Variants in OSMR observed in about 807,000 individuals in gnomAD.
OSMR encodes oncostatin M receptor.
Under a neutral mutation model 99.9 loss-of-function variants are expected in OSMR, and 81 were observed. That is an observed-to-expected ratio of 0.81 (90% CI 0.68 to 0.97). OSMR has a LOEUF of 0.97. Ranked by LOEUF, OSMR falls within the 50% of genes least tolerant of loss-of-function variation. OSMR has a pLI of 0.00. For missense variants in OSMR, 1,099 were observed against 1,153.4 expected (o/e 0.95, Z 0.68); for synonymous variants, 406 against 410.4 (o/e 0.99, Z 0.13).
At chr5:38,922,058 G>A (rs1746262170) in intron 12 of OSMR, among the ~76,000 whole-genome samples, 1 of 152,130 alleles carries the variant, frequency 6.6e-6, no homozygotes, top group South Asian at 2.1e-4. Flanking sequence ...GCATAGTCTC[G>A]AATGGCAGAA....
intron 11 of OSMR, 199 bp from the exon 12 acceptor site, chr5:38,921,416 G>T (rs1397258000): frequency 1.1e-6 from 1 of 873,558 alleles, no homozygotes; most frequent in Non-Finnish European, 1.4e-6. Context: ...CTGAAGGGCA[G>T]GTGTGAATAT....
At chr5:38,912,247 T>C (rs1383226679) in intron 9 of OSMR, among the ~76,000 whole-genome samples, 2 of 152,200 alleles carry the variant, frequency 1.3e-5, no homozygotes, top group African/African-American at 2.4e-5. Flanking sequence ...ACAAGATCGA[T>C]GTACAAAAAT....
chr5:38,883,779 C>T lies in OSMR; in HGVS notation c.419-48C>T, dbSNP rs978855012. 4 of 1,611,312 alleles carry T rather than the reference C, an allele frequency of 2.5e-6. No individual in the cohort carries two copies. In the African/African-American group the frequency reaches 5.3e-5, roughly 22 times the overall value. On this transcript the variant is annotated intron_variant, in intron 4 of 17. Transcript: ENST00000274276. ...CAAATGGATAACTTGTTTTAAGAGG[C>T]TTGAATTTTGAGTGCGATTCTAACT...
At chr5:38,876,081 T>A (rs1742803591) in intron 2 of OSMR, 120 bp from the exon 3 acceptor site, 1 of 1,426,812 alleles carries the variant, frequency 7.0e-7, no homozygotes, top group African/African-American at 1.4e-5. Flanking sequence ...GATTCTAGGA[T>A]GCACATATGA....
At position 38,933,566 on chromosome 5, in the gene OSMR, A is replaced by T. The variant is rs911331499; in HGVS notation, c.*122A>T. 1 of 1,053,800 alleles carries T rather than the reference A, an allele frequency of 9.5e-7. No homozygotes were observed. The highest frequency in any genetic ancestry group is 1.4e-6 in the Non-Finnish European group (1 of 697,938). 65.3% of individuals were successfully genotyped at this position (1,053,800 alleles called of 1,614,324 possible). ...ACGATTTGCAGGTCTGGTTTATATA[A>T]GACCACTACAGTCTGGCTAGGTTAA... On this transcript the variant is annotated 3_prime_UTR_variant, in exon 18 of 18. Transcript: ENST00000274276.
chr5:38,940,993 A>G (rs1166035445), intron 1 of OSMR: 1 of 232,758 alleles, frequency 4.3e-6, no homozygotes, highest in Admixed American at 5.6e-5. Context: ...TTCTATTTAT[A>G]TATAGATCTC....
chr5:38,900,949 T>C (rs1009528610), intron 7 of OSMR, among the ~76,000 whole-genome samples: 10 of 152,270 alleles, frequency 6.6e-5, no homozygotes, highest in African/African-American at 2.4e-4. Flanking sequence ...ACTTTTATGC[T>C]GCAAGCTCTT....
chr5:38,922,849 C>T (rs529521740), intron 12 of OSMR: 3 of 152,272 alleles, frequency 2.0e-5, no homozygotes, highest in Admixed American at 2.0e-4. Flanking sequence ...GATCTCAGCT[C>T]ATTGCAACCT....
At chr5:38,858,697 A>G (rs2115945) in intron 1 of OSMR, among the ~76,000 whole-genome samples, 3 of 152,170 alleles carry the variant, frequency 2.0e-5, no homozygotes, top group Non-Finnish European at 4.4e-5. Context: ...ACTGTTTTCT[A>G]TAATGGCTCT....
At chr5:38,889,234 A>G (rs1743995985) in intron 7 of OSMR, among the ~76,000 whole-genome samples, 1 of 152,002 alleles carries the variant, frequency 6.6e-6, no homozygotes, top group African/African-American at 2.4e-5. Flanking sequence ...TTTGAATTAT[A>G]GTTTTTGGTA....
intron 3 of OSMR, among the ~76,000 whole-genome samples, chr5:38,877,430 T>A (rs924644206): frequency 3.3e-5 from 5 of 152,242 alleles, no homozygotes; most frequent in African/African-American, 1.2e-4. Flanking sequence ...AGTCTATAAT[T>A]CTACCTCTCA....
chr5:38,942,938 G>A (rs369969150), intron 1 of OSMR: 2 of 1,605,070 alleles, frequency 1.2e-6, no homozygotes, highest in African/African-American at 1.3e-5. Context: ...AAAGGCATAT[G>A]TCATCAAATG....
At chr5:38,932,188 C>T (rs575167868) in intron 16 of OSMR, among the ~76,000 whole-genome samples, 1 of 152,102 alleles carries the variant, frequency 6.6e-6, no homozygotes, top group South Asian at 2.1e-4. Flanking sequence ...AAAATTTTTT[C>T]AACAGCAATA....
chr5:38,870,331 T>TC (rs1742281985), intron 2 of OSMR, among the ~76,000 whole-genome samples: 1 of 21,620 alleles, frequency 4.6e-5, no homozygotes, highest in Admixed American at 6.6e-4. Flanking sequence ...AATGATTTTC[T>TC]TTTTTTTTTT....
chr5:38,878,101 T>C (rs964451811), intron 3 of OSMR, among the ~76,000 whole-genome samples: 3 of 152,098 alleles, frequency 2.0e-5, no homozygotes, highest in Non-Finnish European at 4.4e-5. Context: ...GGTGGGATCA[T>C]CCTTCACTCC....
intron 9 of OSMR, among the ~76,000 whole-genome samples, chr5:38,911,058 C>G (rs1561394383): frequency 6.6e-6 from 1 of 152,004 alleles, no homozygotes; most frequent in Non-Finnish European, 1.5e-5. Context: ...CAAACCAACA[C>G]CAAAGCTGTC....
rs751054914 is a variant in OSMR at position 38,919,171 on chromosome 5, G to T, written c.1585+109G>T. 6 of 1,547,124 alleles carry T rather than the reference G, an allele frequency of 3.9e-6. No individual in the cohort carries two copies. In the African/African-American group the frequency reaches 8.2e-5, roughly 21 times the overall value. On this transcript the variant is annotated intron_variant, in intron 11 of 17. Transcript: ENST00000274276. ...AAACAATAACTTAGGAAGACAAAAT[G>T]TCTAGTCACTAAACAGTCATTTTCT...
chr5:38,931,814 CTT>C (rs1478386837), intron 15 of OSMR, 67 bp from the exon 16 acceptor site: 15 of 1,577,286 alleles, frequency 9.5e-6, no homozygotes, highest in African/African-American at 4.1e-5. Flanking sequence ...CAATCATAAA[CTT>C]GTATTTATTC....
Position 38,934,540 on chromosome 5 carries a change from AG to A in OSMR, c.*1097del, listed in dbSNP as rs1335520751. 6.6e-6 allele frequency: 1 copy of A among 152,146 alleles called. No homozygotes were observed. Among genetic ancestry groups the A allele is most frequent in the Non-Finnish European group, 1.5e-5 (1 of 68,018 alleles). The allele number at this position is 152,146 out of a possible 1,614,324, so 9.4% of individuals were successfully genotyped here. A position where few individuals can be genotyped will look rare whatever the true frequency, so the allele number is the denominator to read the frequency against. On this transcript the variant is annotated 3_prime_UTR_variant, in exon 18 of 18. Transcript: ENST00000274276. Reference sequence around the variant, plus strand: ...GCACCTGGTACACAACTGGTATTTTAGTACATGTTGGTTCTTTTGGTGCAAT... The same window carrying A: ...GCACCTGGTACACAACTGGTATTTTATACATGTTGGTTCTTTTGGTGCAAT...
Sources: allele counts gnomAD v4.1 joint callset (sites outside exome capture counted in the v4.1 genomes callset), GRCh38; gene constraint gnomAD v4.1.1; transcripts MANE v1.5; gene names NCBI Gene and HGNC (gene_info 2026-07-23, HGNC 2026-07-21).